SPDEF: variants seen among roughly 807,000 people sequenced by gnomAD.
The protein encoded by SPDEF is SAM pointed domain-containing Ets transcription factor.
In SPDEF, 12 loss-of-function variants were observed where a neutral mutation model predicts 36.0. The observed-to-expected ratio is 0.33, with a 90% confidence interval of 0.21 to 0.54. SPDEF has a LOEUF of 0.54. SPDEF is among the 20% of genes least tolerant of loss of function. The probability of loss-of-function intolerance (pLI) is 0.93; values close to 1 mark genes in which losing one functional copy is unlikely to be tolerated. For synonymous variants in SPDEF, 205 were observed against 193.0 expected (o/e 1.06, Z -0.51); for missense variants, 388 against 456.9 (o/e 0.85, Z 1.37).
intron 1 of SPDEF, among the ~76,000 whole-genome samples, chr6:34,553,071 T>C (rs1175738431): frequency 2.0e-5 from 3 of 152,048 alleles, no homozygotes; most frequent in Non-Finnish European, 2.9e-5. Context: ...GGGGTCTTTA[T>C]CCTGGTGGTG....
intron 1 of SPDEF, among the ~76,000 whole-genome samples, chr6:34,546,976 G>A (rs1767965301): frequency 6.6e-6 from 1 of 151,402 alleles, no homozygotes; most frequent in Admixed American, 6.6e-5. Flanking sequence ...CCCGCTAGGT[G>A]GCTCCACCCC....
chr6:34,541,963 T>C (rs1767831878), intron 2 of SPDEF, among the ~76,000 whole-genome samples: 2 of 152,216 alleles, frequency 1.3e-5, no homozygotes, highest in Non-Finnish European at 2.9e-5. Flanking sequence ...CTGGGTGACC[T>C]GCAGGCTGGG....
chr6:34,551,422 A>G (rs748651346), intron 1 of SPDEF, among the ~76,000 whole-genome samples: 3 of 152,250 alleles, frequency 2.0e-5, no homozygotes, highest in Non-Finnish European at 4.4e-5. Flanking sequence ...TGTTCCCTCC[A>G]TAGGAGAGAC....
chr6:34,539,185 T>C lies in SPDEF; in HGVS notation c.829+65A>G, dbSNP rs1767760327. On this transcript the variant is annotated intron_variant, in intron 5 of 5. Transcript: ENST00000374037. This position sits in a 1 kb window ranked among gnomAD's most constrained non-coding sequence, Gnocchi z 5.2. ...CGCCCCTGCCCCCATGCACCGTGCC[T>C]GGCAGAAGCCCCCACAACCTCCATG... 1.3e-6 allele frequency: 2 copies of C among 1,584,466 alleles called. No individual in the cohort carries two copies. Among genetic ancestry groups the C allele is most frequent in the South Asian group, 2.3e-5 (2 of 87,562 alleles).
chr6:34,540,936 C>T (rs2127282600), intron 3 of SPDEF, 48 bp downstream of exon 3: 1 of 1,571,524 alleles, frequency 6.4e-7, no homozygotes, highest in South Asian at 1.1e-5. Context: ...CATCCTGTCC[C>T]TGGCTTGGAG....
intron 1 of SPDEF, among the ~76,000 whole-genome samples, chr6:34,554,116 C>T (rs926420877): frequency 1.3e-5 from 2 of 152,170 alleles, no homozygotes; most frequent in Admixed American, 6.5e-5. Flanking sequence ...TCCCACATGG[C>T]GGGACCTCAC....
rs1050959 is a variant in SPDEF, at chr6:34,537,926, G to A, written c.*348C>T. 1 of 229,578 alleles carries A rather than the reference G, an allele frequency of 4.4e-6. No homozygotes were observed. The highest frequency in any genetic ancestry group is 1.5e-3 in the Middle Eastern group (1 of 646). 14.2% of individuals were successfully genotyped at this position (229,578 alleles called of 1,614,324 possible). On this transcript the variant is annotated 3_prime_UTR_variant, in exon 6 of 6. Coordinates refer to ENST00000374037, the MANE Select transcript of SPDEF (RefSeq NM_012391.3). ...GAATGGGAGGCAGGGGGATGGAGCA[G>A]AGAGAGGCCTGGACTGCCTGTGGCC...
chr6:34,547,088 C>T (rs1333992145), intron 1 of SPDEF, among the ~76,000 whole-genome samples: 1 of 151,180 alleles, frequency 6.6e-6, no homozygotes, highest in African/African-American at 2.4e-5. Context: ...CACGTTAGGA[C>T]AGTCTCTGCC....
At position 34,540,995 on chromosome 6, in the gene SPDEF, A is replaced by T; in HGVS notation, c.623T>A (p.Ile208Asn). ...GGDVLHAHLDIWKSAAWMKER... is the reference protein window; with the variant it reads ...GGDVLHAHLDNWKSAAWMKER... ...ATGCCACATCCTACCTGACTTCCAG[A>T]TGTCCAGGTGGGCGTGCAGCACATC... Residue 208 changes from isoleucine (I) to asparagine (N), a missense_variant, in exon 3 of 6, where the codon ATC becomes AAC. By Grantham distance (149) the Ile-to-Asn change is moderately radical. Coordinates refer to ENST00000374037, the MANE Select transcript of SPDEF (RefSeq NM_012391.3). 6.2e-7 allele frequency: 1 copy of T among 1,610,652 alleles called. No individual in the cohort carries two copies. Among genetic ancestry groups the T allele is most frequent in the Non-Finnish European group, 8.5e-7 (1 of 1,179,200 alleles).
At chr6:34,553,402 C>T (rs910617371) in intron 1 of SPDEF, among the ~76,000 whole-genome samples, 5 of 82,728 alleles carry the variant, frequency 6.0e-5, no homozygotes, top group Admixed American at 3.6e-4. Context: ...GCTGGGGGCA[C>T]AGGGTGGGGC....
Position 34,538,188 on chromosome 6 carries a change from G to T in SPDEF, c.*86C>A. On this transcript the variant is annotated 3_prime_UTR_variant, in exon 6 of 6. Coordinates refer to ENST00000374037, the MANE Select transcript of SPDEF (RefSeq NM_012391.3). The surrounding 1 kb of genome is among the most constrained non-coding windows in gnomAD (Gnocchi z 5.9). ...GTCAGAGCAGCAGAGCAGACTGCCC[G>T]TTTTCCCCCATCTCAGGGCCTGGCT... The T allele has an allele frequency of 6.9e-7, 1 of 1,441,304 alleles. No individual in the cohort carries two copies. The highest frequency in any genetic ancestry group is 9.5e-7 in the Non-Finnish European group (1 of 1,049,334). 89.3% of individuals were successfully genotyped at this position (1,441,304 alleles called of 1,614,324 possible).
Position 34,539,396 on chromosome 6 carries a change from G to A in SPDEF, c.683C>T (p.Ala228Val), listed in dbSNP as rs1182182140. The A allele has an allele frequency of 1.2e-6, 2 of 1,613,576 alleles. No individual in the cohort carries two copies. Among genetic ancestry groups the A allele is most frequent in the Non-Finnish European group, 1.7e-6 (2 of 1,179,988 alleles). The change falls in exon 5 of 6, where the codon GCC becomes GTC. Residue 228 changes from alanine (A) to valine (V), a missense_variant and splice_region_variant. Physicochemically the swap from Ala to Val is moderately conservative, Grantham distance 64. Coordinates refer to ENST00000374037, the MANE Select transcript of SPDEF (RefSeq NM_012391.3). This position sits in a 1 kb window ranked among gnomAD's most constrained non-coding sequence, Gnocchi z 5.2. ...RTSPGAIHYC[A>V]STSEESWTDS... Reference sequence around the variant, plus strand: ...GGTCCAGCTCTCCTCACTGGTCGAGGCTGGGTGGCCAGGGAGGGTGGCGGT... The same window carrying A: ...GGTCCAGCTCTCCTCACTGGTCGAGACTGGGTGGCCAGGGAGGGTGGCGGT...
chr6:34,555,602 G>A lies in SPDEF; in HGVS notation c.-30+327C>T, dbSNP rs958897608. On this transcript the variant is annotated intron_variant, in intron 1 of 5. Coordinates refer to ENST00000374037, the MANE Select transcript of SPDEF (RefSeq NM_012391.3). The surrounding 1 kb of genome is among the most constrained non-coding windows in gnomAD (Gnocchi z 5.2). ...TCTCCAGCCAAGCAGAACTGGCTGGGTCTCAGGGGCCGGGGCTCTGCATCT... is the reference window on the plus strand; with the variant it reads ...TCTCCAGCCAAGCAGAACTGGCTGGATCTCAGGGGCCGGGGCTCTGCATCT... 3.3e-5 allele frequency among the ~76,000 whole-genome samples: 5 copies of A among 152,314 alleles called. No homozygotes were observed. The highest frequency in any genetic ancestry group is 5.9e-5 in the Non-Finnish European group (4 of 68,026).
chr6:34,554,781 C>T (rs372900352), intron 1 of SPDEF, among the ~76,000 whole-genome samples: 8 of 152,232 alleles, frequency 5.3e-5, no homozygotes, highest in Admixed American at 4.6e-4. Flanking sequence ...CCTCCCCATC[C>T]CTGCCCACCA....
intron 1 of SPDEF, among the ~76,000 whole-genome samples, chr6:34,554,908 C>T (rs1166908518): frequency 6.6e-6 from 1 of 152,166 alleles, no homozygotes; most frequent in Non-Finnish European, 1.5e-5. Context: ...CAAGTCCCAG[C>T]CCTGGCCGAG....
At position 34,544,705 on chromosome 6, in the gene SPDEF, G is replaced by A. The variant is rs1443853128; in HGVS notation, c.-29-221C>T. On this transcript the variant is annotated intron_variant, in intron 1 of 5. Transcript: ENST00000374037. This position sits in a 1 kb window ranked among gnomAD's most constrained non-coding sequence, Gnocchi z 4.4. The stretch of plus-strand genomic sequence containing the variant: ...GTGGGTGCAGGACTAGAAATAGATC[G>A]CTCCCTCAATCCCCAAGGAAGCCAG... Among the ~76,000 whole-genome samples the A allele has an allele frequency of 2.0e-5, 3 of 152,158 alleles. No homozygotes were observed. Among genetic ancestry groups the A allele is most frequent in the Non-Finnish European group, 2.9e-5 (2 of 68,026 alleles).
intron 2 of SPDEF, among the ~76,000 whole-genome samples, chr6:34,543,306 C>G (rs1005470529): frequency 2.0e-5 from 3 of 150,686 alleles, no homozygotes; most frequent in African/African-American, 7.3e-5. Flanking sequence ...ATCCTAGCAT[C>G]TGGGGATGGA....
Position 34,539,361 on chromosome 6 carries a change from C to A in SPDEF, c.718G>T (p.Val240Leu). 1.2e-6 allele frequency: 2 copies of A among 1,613,858 alleles called. No homozygotes were observed. The highest frequency in any genetic ancestry group is 1.7e-6 in the Non-Finnish European group (2 of 1,180,038). The change falls in exon 5 of 6, where the codon GTG becomes TTG. Residue 240 changes from valine (V) to leucine (L), a missense_variant. Physicochemically the swap from Val to Leu is conservative, Grantham distance 32 (BLOSUM62 1). Transcript: ENST00000374037. The surrounding 1 kb of genome is among the most constrained non-coding windows in gnomAD (Gnocchi z 5.2). Reference protein sequence around the residue: ...TSEESWTDSEVDSSCSGQPIH... With the variant: ...TSEESWTDSELDSSCSGQPIH... ...GGCTGCCCGGAGCATGATGAGTCCA[C>A]CTCGCTGTCGGTCCAGCTCTCCTCA...
Position 34,538,051 on chromosome 6 carries a change from A to G in SPDEF, c.*223T>C. 1.9e-6 allele frequency: 1 copy of G among 513,276 alleles called. No homozygotes were observed. 31.8% of individuals were successfully genotyped at this position (513,276 alleles called of 1,614,324 possible). On this transcript the variant is annotated 3_prime_UTR_variant, in exon 6 of 6. Transcript: ENST00000374037. The surrounding 1 kb of genome is among the most constrained non-coding windows in gnomAD (Gnocchi z 5.9). ...CCTGTCTCCCTCTGTCCTCCAGGGG[A>G]GCAGCTGGGCCTGAGGAGGAAGCAC...
Sources: gnomAD v4.1 joint callset for allele counts (sites outside exome capture counted in the v4.1 genomes callset) on GRCh38, gnomAD v4.1.1 for gene constraint, Gnocchi (gnomAD v3.1) non-coding constraint, MANE v1.5 for transcripts, NCBI Gene and HGNC (gene_info 2026-07-23, HGNC 2026-07-21) for gene names.